The following HS3ST2 variants were observed in gnomAD, a reference collection of about 807,000 sequenced individuals.
The protein encoded by HS3ST2 is heparan sulfate-glucosamine 3-sulfotransferase 2.
In HS3ST2, 17 loss-of-function variants were observed where a neutral mutation model predicts 26.3. The ratio of observed to expected loss-of-function variants is 0.65; its 90% CI spans 0.44 to 0.97. HS3ST2 has a LOEUF of 0.97. Ranked by LOEUF, HS3ST2 falls within the 50% of genes least tolerant of loss-of-function variation. HS3ST2 has a pLI of 0.00. For missense variants in HS3ST2, 402 were observed against 501.2 expected (o/e 0.80, Z 1.89); for synonymous variants, 237 against 219.2 (o/e 1.08, Z -0.72).
intron 1 of HS3ST2, among the ~76,000 whole-genome samples, chr16:22,864,882 CAAAA>C (rs34942780): frequency 1.2e-4 from 7 of 57,154 alleles, no homozygotes; most frequent in South Asian, 6.4e-4. Context: ...CCTGTCTCCA[CAAAA>C]AAAAAAAAAA....
At chr16:22,854,066 T>C (rs1418100806) in intron 1 of HS3ST2, among the ~76,000 whole-genome samples, 4 of 152,234 alleles carry the variant, frequency 2.6e-5, no homozygotes, top group African/African-American at 4.8e-5. Flanking sequence ...TTCAGTCATG[T>C]AGAATGTGGG....
intron 1 of HS3ST2, among the ~76,000 whole-genome samples, chr16:22,821,699 G>A (rs1900996107): frequency 1.3e-5 from 2 of 152,156 alleles, no homozygotes; most frequent in African/African-American, 4.8e-5. Flanking sequence ...CCAGGCTGCT[G>A]TAGGCCGGTT....
At position 22,883,471 on chromosome 16, in the gene HS3ST2, G is replaced by T. The variant is rs563797912; in HGVS notation, c.486-31473G>T. Among the ~76,000 whole-genome samples the T allele has an allele frequency of 2.6e-5, 4 of 152,342 alleles. No homozygotes were observed. The East Asian group carries it at 7.7e-4, about 29-fold the overall frequency. On this transcript the variant is annotated intron_variant, in intron 1 of 1. Coordinates refer to ENST00000261374, the MANE Select transcript of HS3ST2 (RefSeq NM_006043.2). The stretch of plus-strand genomic sequence containing the variant: ...AAGCTGTTATGTGGAAGAGAAATTG[G>T]GTCTGTGCTATGTAGGGTGGGTAGG...
intron 1 of HS3ST2, among the ~76,000 whole-genome samples, chr16:22,847,349 A>G (rs1901449576): frequency 6.6e-6 from 1 of 152,210 alleles, no homozygotes; most frequent in African/African-American, 2.4e-5. Context: ...CATGGTGTAT[A>G]TATATACCAC....
intron 1 of HS3ST2, among the ~76,000 whole-genome samples, chr16:22,824,144 TTTTC>T (rs1415460195): frequency 6.6e-6 from 1 of 152,186 alleles, no homozygotes; most frequent in African/African-American, 2.4e-5. Flanking sequence ...GGCACAAGGC[TTTTC>T]TTTATTTTAA....
At chr16:22,833,379 A>T in intron 1 of HS3ST2, 1 of 446,388 alleles carries the variant, frequency 2.2e-6, no homozygotes, top group South Asian at 1.6e-5. Flanking sequence ...TAAACTGTGG[A>T]TGATAATTAA....
intron 1 of HS3ST2, among the ~76,000 whole-genome samples, chr16:22,869,160 A>C (rs1901797779): frequency 6.6e-6 from 1 of 152,088 alleles, no homozygotes; most frequent in African/African-American, 2.4e-5. Flanking sequence ...ACTAGCCCTC[A>C]GAGACAGAGC....
At chr16:22,896,970 G>T (rs2141203001) in intron 1 of HS3ST2, among the ~76,000 whole-genome samples, 1 of 151,848 alleles carries the variant, frequency 6.6e-6, no homozygotes. Context: ...ACCATGCCTG[G>T]CTAATTTTTG....
chr16:22,890,673 C>T (rs1022845146), intron 1 of HS3ST2, among the ~76,000 whole-genome samples: 2 of 152,176 alleles, frequency 1.3e-5, no homozygotes, highest in African/African-American at 4.8e-5. Flanking sequence ...ACCCATTTAA[C>T]AGAGGAGAAA....
chr16:22,896,711 A>C (rs936226117), intron 1 of HS3ST2, among the ~76,000 whole-genome samples: 7 of 152,162 alleles, frequency 4.6e-5, no homozygotes, highest in Non-Finnish European at 8.8e-5. Flanking sequence ...TACTTCACCC[A>C]TACCTTGATT....
At chr16:22,848,817 C>A (rs1276232224) in intron 1 of HS3ST2, among the ~76,000 whole-genome samples, 2 of 152,182 alleles carry the variant, frequency 1.3e-5, no homozygotes, top group Admixed American at 1.3e-4. Context: ...CCCATGCTGG[C>A]TGCCAAGGGA....
intron 1 of HS3ST2, among the ~76,000 whole-genome samples, chr16:22,897,328 T>A (rs1416249094): frequency 6.6e-6 from 1 of 152,216 alleles, no homozygotes; most frequent in African/African-American, 2.4e-5. Flanking sequence ...TAGCCGTGAC[T>A]TCAGCACTTA....
intron 1 of HS3ST2, among the ~76,000 whole-genome samples, chr16:22,896,410 A>G (rs1032978639): frequency 5.3e-5 from 8 of 152,246 alleles, no homozygotes; most frequent in South Asian, 4.1e-4. Context: ...TGTACCCCAC[A>G]TAGCCATCTT....
chr16:22,866,440 C>A (rs1567491785), intron 1 of HS3ST2, among the ~76,000 whole-genome samples: 2 of 149,638 alleles, frequency 1.3e-5, no homozygotes, highest in African/African-American at 2.5e-5. Flanking sequence ...GCAACAAAAA[C>A]CAAAATGTTA....
At chr16:22,893,901 C>T (rs1047721838) in intron 1 of HS3ST2, among the ~76,000 whole-genome samples, 2 of 152,170 alleles carry the variant, frequency 1.3e-5, no homozygotes, top group Non-Finnish European at 2.9e-5. Flanking sequence ...GATCTTCCAC[C>T]TCAGCCTCCC....
At chr16:22,838,782 A>C (rs1901311022) in intron 1 of HS3ST2, among the ~76,000 whole-genome samples, 1 of 152,220 alleles carries the variant, frequency 6.6e-6, no homozygotes, top group Admixed American at 6.5e-5. Flanking sequence ...TGGGTGGATC[A>C]TCCAGTGTCT....
chr16:22,869,962 T>C (rs1901810895), intron 1 of HS3ST2, among the ~76,000 whole-genome samples: 1 of 152,090 alleles, frequency 6.6e-6, no homozygotes, highest in Non-Finnish European at 1.5e-5. Flanking sequence ...ATAGCTCATG[T>C]AGATTGAACA....
chr16:22,889,044 T>G (rs1188349219), intron 1 of HS3ST2, among the ~76,000 whole-genome samples: 2 of 152,212 alleles, frequency 1.3e-5, no homozygotes, highest in Non-Finnish European at 2.9e-5. Context: ...CTGAATGAAC[T>G]GGTTGATGAA....
intron 1 of HS3ST2, among the ~76,000 whole-genome samples, chr16:22,830,953 G>T (rs1213537844): frequency 6.6e-6 from 1 of 152,318 alleles, no homozygotes; most frequent in African/African-American, 2.4e-5. Flanking sequence ...GAAATAGAAT[G>T]TAGTCATAAA....
Sources: allele counts gnomAD v4.1 joint callset (sites outside exome capture counted in the v4.1 genomes callset), GRCh38; gene constraint gnomAD v4.1.1; transcripts MANE v1.5; gene names NCBI Gene and HGNC (gene_info 2026-07-23, HGNC 2026-07-21).